Variants in MAGI1 observed in about 807,000 individuals in gnomAD.
MAGI1 encodes membrane associated guanylate kinase, WW and PDZ domain containing 1.
MAGI1 carries 58 observed loss-of-function variants against 139.9 expected under a neutral mutation model. The observed-to-expected ratio is 0.41, with a 90% CI of 0.34 to 0.52. MAGI1 has a LOEUF of 0.52. Among genes scored for constraint, MAGI1 ranks in the 20% least tolerant of loss-of-function variants. The probability of loss-of-function intolerance (pLI) is 0.12; values close to 1 mark genes in which losing one functional copy is unlikely to be tolerated. For synonymous variants in MAGI1, 812 were observed against 737.9 expected, an observed-to-expected ratio of 1.10 and a Z score of -1.63; for missense variants, 1,874 against 1,901.6, an observed-to-expected ratio of 0.99 and a Z score of 0.27.
intron 1 of MAGI1, among the ~76,000 whole-genome samples, chr3:65,833,605 T>C (rs2042646706): frequency 6.6e-6 from 1 of 152,244 alleles, no homozygotes; most frequent in African/African-American, 2.4e-5. Flanking sequence ...CTTACCTATT[T>C]GTAAGTCTTT....
intron 1 of MAGI1, among the ~76,000 whole-genome samples, chr3:65,722,213 G>C (rs531343079): frequency 6.6e-6 from 1 of 152,240 alleles, no homozygotes; most frequent in Admixed American, 6.5e-5. Context: ...AGTATGTCGT[G>C]ATACAAGTAC....
intron 1 of MAGI1, among the ~76,000 whole-genome samples, chr3:65,921,793 C>A (rs1008125054): frequency 6.6e-6 from 1 of 151,816 alleles, no homozygotes; most frequent in South Asian, 2.1e-4. Flanking sequence ...GTTAAAGGAA[C>A]ACAGAAGAAA....
At chr3:66,016,073 C>T (rs1203009460) in intron 1 of MAGI1, among the ~76,000 whole-genome samples, 1 of 151,956 alleles carries the variant, frequency 6.6e-6, no homozygotes, top group Non-Finnish European at 1.5e-5. Context: ...AAGATAAAAA[C>T]CCAGAGTGTT....
At chr3:65,952,677 G>T (rs2063923411) in intron 1 of MAGI1, among the ~76,000 whole-genome samples, 1 of 152,180 alleles carries the variant, frequency 6.6e-6, no homozygotes. Flanking sequence ...AGCCAAGCGT[G>T]GTGGCGGGCG....
intron 2 of MAGI1, among the ~76,000 whole-genome samples, chr3:65,501,193 T>G (rs954179417): frequency 6.6e-6 from 1 of 152,014 alleles, no homozygotes; most frequent in African/African-American, 2.4e-5. Flanking sequence ...TAAAAAAAAT[T>G]AAACAGGCCA....
intron 1 of MAGI1, among the ~76,000 whole-genome samples, chr3:65,930,854 T>C (rs1392582427): frequency 6.6e-6 from 1 of 152,126 alleles, no homozygotes; most frequent in African/African-American, 2.4e-5. Context: ...GAAGTTACCG[T>C]ATATGGTCTA....
intron 1 of MAGI1, among the ~76,000 whole-genome samples, chr3:65,770,385 G>A (rs1298130749): frequency 6.6e-6 from 1 of 152,126 alleles, no homozygotes; most frequent in African/African-American, 2.4e-5. Context: ...GTAGGGCATT[G>A]GTGATTTAAG....
At position 65,969,197 on chromosome 3, in the gene MAGI1, T is replaced by C. The variant is rs528851259; in HGVS notation, c.313+68799A>G. Among the ~76,000 whole-genome samples, 7 of 152,342 alleles carry C rather than the reference T, an allele frequency of 4.6e-5. No homozygotes were observed. In the East Asian group the frequency reaches 1.4e-3, roughly 29 times the overall value. ...GAGTCTCTCCATCTTCATGACTTCA[T>C]TTCCTCTCACTGTACAATAGTAGCT... On this transcript the variant is annotated intron_variant, in intron 1 of 22. Transcript: ENST00000402939.
At chr3:65,816,234 C>T (rs975826014) in intron 1 of MAGI1, among the ~76,000 whole-genome samples, 8 of 151,410 alleles carry the variant, frequency 5.3e-5, no homozygotes, top group Admixed American at 1.3e-4. Context: ...TCATAGAGGA[C>T]GCTTAGTGAA....
chr3:65,945,810 G>A (rs1040443480), intron 1 of MAGI1, among the ~76,000 whole-genome samples: 4 of 152,300 alleles, frequency 2.6e-5, no homozygotes, highest in South Asian at 2.1e-4. Context: ...TGAATCATTC[G>A]TTGCTCACTT....
chr3:65,874,658 G>A (rs2060051473), intron 1 of MAGI1: 1 of 152,188 alleles, frequency 6.6e-6, no homozygotes, highest in African/African-American at 2.4e-5. Flanking sequence ...TACACTGCTG[G>A]TGTGAATGTA....
chr3:65,762,544 C>T (rs2037120455), intron 1 of MAGI1, among the ~76,000 whole-genome samples: 1 of 152,082 alleles, frequency 6.6e-6, no homozygotes, highest in South Asian at 2.1e-4. Context: ...AAAGGGTGAA[C>T]TACTCATTGT....
chr3:65,511,172 A>T (rs1288918055), intron 2 of MAGI1, among the ~76,000 whole-genome samples: 1 of 150,494 alleles, frequency 6.6e-6, no homozygotes, highest in Non-Finnish European at 1.5e-5. Context: ...CATGGAAAGG[A>T]ACAACCGGTA....
intron 13 of MAGI1, among the ~76,000 whole-genome samples, chr3:65,396,969 T>G (rs1038328274): frequency 6.6e-6 from 1 of 152,204 alleles, no homozygotes; most frequent in Non-Finnish European, 1.5e-5. Context: ...CTGGTTCACA[T>G]TGCATGTTTT....
At chr3:65,434,624 T>C (rs1424173086) in intron 10 of MAGI1, among the ~76,000 whole-genome samples, 2 of 152,064 alleles carry the variant, frequency 1.3e-5, no homozygotes, top group Non-Finnish European at 2.9e-5. Flanking sequence ...CACTAGACAC[T>C]AGATGGCTAA....
chr3:65,395,222 G>C (rs1230905418), intron 13 of MAGI1, among the ~76,000 whole-genome samples: 1 of 152,120 alleles, frequency 6.6e-6, no homozygotes, highest in Non-Finnish European at 1.5e-5. Context: ...CCCTGGGAAT[G>C]TATCTAAGTG....
At chr3:65,504,630 A>C (rs1376344930) in intron 2 of MAGI1, among the ~76,000 whole-genome samples, 15 of 152,296 alleles carry the variant, frequency 9.8e-5, no homozygotes, top group Non-Finnish European at 1.6e-4. Flanking sequence ...GGTTGAATAA[A>C]TCAACACTGT....
chr3:65,587,109 A>G (rs1028558124), intron 2 of MAGI1, among the ~76,000 whole-genome samples: 1 of 152,142 alleles, frequency 6.6e-6, no homozygotes, highest in African/African-American at 2.4e-5. Flanking sequence ...ACATTCCCCA[A>G]TAAGATATTG....
At position 65,791,659 on chromosome 3, in the gene MAGI1, C is replaced by G. The variant is rs567137700; in HGVS notation, c.314-169571G>C. ...TCAATACCATATGCTATCCTCCATC[C>G]CAAATTAAATTAATGAGGAGGTAAA... is the stretch of plus-strand genomic sequence containing the variant. On this transcript the variant is annotated intron_variant, in intron 1 of 22. Transcript: ENST00000402939. 2.6e-5 allele frequency among the ~76,000 whole-genome samples: 4 copies of G among 152,074 alleles called. No homozygotes were observed. The East Asian group carries it at 5.8e-4, about 22-fold the overall frequency.
Sources: gnomAD v4.1 joint callset for allele counts (sites outside exome capture counted in the v4.1 genomes callset) on GRCh38, gnomAD v4.1.1 for gene constraint, MANE v1.5 for transcripts, NCBI Gene and HGNC (gene_info 2026-07-23, HGNC 2026-07-21) for gene names.